Variants in GABRG3 observed in about 807,000 individuals in gnomAD.
GABRG3 encodes gamma-aminobutyric acid type A receptor subunit gamma3.
A neutral mutation model predicts 48.8 loss-of-function variants in GABRG3; 25 were observed. The ratio of observed to expected loss-of-function variants is 0.51; its 90% CI spans 0.37 to 0.72. The LOEUF is 0.72. GABRG3 is among the 30% of genes least tolerant of loss of function. GABRG3 has a pLI of 0.00. For synonymous variants in GABRG3, 227 were observed against 217.6 expected, an observed-to-expected ratio of 1.04 and a Z score of -0.38; for missense variants, 394 against 577.9, an observed-to-expected ratio of 0.68 and a Z score of 3.26.
chr15:27,306,948 A>C (rs1321607931), intron 3 of GABRG3, among the ~76,000 whole-genome samples: 1 of 118,658 alleles, frequency 8.4e-6, no homozygotes, highest in African/African-American at 3.1e-5. Context: ...AAACATATAT[A>C]ATATAAACAT....
chr15:27,258,158 A>G (rs1273208208), intron 3 of GABRG3, among the ~76,000 whole-genome samples: 1 of 152,120 alleles, frequency 6.6e-6, no homozygotes, highest in African/African-American at 2.4e-5. Flanking sequence ...GCAATTTCTG[A>G]GGGCAGCCTA....
At chr15:27,069,926 A>T (rs951075530) in intron 3 of GABRG3, among the ~76,000 whole-genome samples, 4 of 152,240 alleles carry the variant, frequency 2.6e-5, no homozygotes, top group African/African-American at 9.6e-5. Context: ...TGCTTTTTCC[A>T]AATACCATTC....
chr15:27,142,382 A>G (rs1220651690), intron 3 of GABRG3, among the ~76,000 whole-genome samples: 2 of 152,198 alleles, frequency 1.3e-5, no homozygotes, highest in Non-Finnish European at 2.9e-5. Context: ...ATCGAGTCCC[A>G]TCTTACATGG....
At chr15:27,059,005 G>A (rs751206303) in intron 3 of GABRG3, among the ~76,000 whole-genome samples, 19 of 152,192 alleles carry the variant, frequency 1.2e-4, no homozygotes, top group Non-Finnish European at 2.2e-4. Flanking sequence ...GCCATTTGGG[G>A]AATGCTAAGC....
intron 3 of GABRG3, among the ~76,000 whole-genome samples, chr15:27,284,023 C>T (rs1416449029): frequency 6.6e-6 from 1 of 152,042 alleles, no homozygotes; most frequent in Non-Finnish European, 1.5e-5. Context: ...AAGAACTCAC[C>T]TCATCTGTAA....
chr15:27,487,781 T>C (rs1331644613), intron 6 of GABRG3, among the ~76,000 whole-genome samples: 3 of 152,218 alleles, frequency 2.0e-5, no homozygotes, highest in Non-Finnish European at 4.4e-5. Context: ...TAAAATTATC[T>C]ATAAAAGTAC....
chr15:27,308,063 TAAACATATATGTTTATACATCC>T (rs1892746486), intron 3 of GABRG3, among the ~76,000 whole-genome samples: 1 of 134,034 alleles, frequency 7.5e-6, no homozygotes, highest in Non-Finnish European at 1.6e-5. Context: ...TAAACATATA[TAAACATATATGTTTATACATCC>T]AAACATATAT....
chr15:27,158,089 T>C (rs1898481362), intron 3 of GABRG3: 1 of 152,010 alleles, frequency 6.6e-6, no homozygotes, highest in African/African-American at 2.4e-5. Flanking sequence ...TTCCTTTGCT[T>C]TCTTGGGTCA....
At chr15:27,468,206 A>T (rs1427958073) in intron 5 of GABRG3, among the ~76,000 whole-genome samples, 1 of 152,258 alleles carries the variant, frequency 6.6e-6, no homozygotes, top group African/African-American at 2.4e-5. Flanking sequence ...ACAGAGATTT[A>T]TCACAAGGTG....
intron 3 of GABRG3, among the ~76,000 whole-genome samples, chr15:27,084,368 TCTCTACCTGGCAAGGTGC>T (rs1276822090): frequency 6.6e-6 from 1 of 152,206 alleles, no homozygotes; most frequent in Non-Finnish European, 1.5e-5. Context: ...AGTGTGTGTG[TCTCTACCTGGCAAGGTGC>T]CTCCAAATGG....
intron 6 of GABRG3, among the ~76,000 whole-genome samples, chr15:27,498,754 C>T (rs762594783): frequency 2.6e-5 from 4 of 152,110 alleles, no homozygotes; most frequent in Non-Finnish European, 5.9e-5. Context: ...AATCCACCCA[C>T]CTCAGCCTCC....
rs889973518 is a variant in GABRG3, at chr15:27,316,331, T to G, written c.271-10478T>G. Among the ~76,000 whole-genome samples, 607 of 133,336 alleles carry G rather than the reference T, an allele frequency of 4.6e-3. 2 individuals are homozygous for G. The highest frequency in any genetic ancestry group is 0.012 in the Admixed American group (131 of 10,868). The allele number at this position is 133,336 out of a possible 152,430, so 87.5% of individuals were successfully genotyped here. On this transcript the variant is annotated intron_variant, in intron 3 of 9. Transcript: ENST00000615808. ...TGAACCCGGGAGGCAGAGCTTGCAGTGAGCCGAGATCCCGCCACTGCACTC... is the reference window on the plus strand; with the variant it reads ...TGAACCCGGGAGGCAGAGCTTGCAGGGAGCCGAGATCCCGCCACTGCACTC...
chr15:27,181,273 A>G (rs369716466), intron 3 of GABRG3, among the ~76,000 whole-genome samples: 41 of 152,288 alleles, frequency 2.7e-4, no homozygotes, highest in Admixed American at 7.8e-4. Flanking sequence ...ATCAAACCCC[A>G]AAGTCCTTCA....
intron 3 of GABRG3, among the ~76,000 whole-genome samples, chr15:27,177,377 T>C (rs1887780951): frequency 6.6e-6 from 1 of 152,214 alleles, no homozygotes; most frequent in Non-Finnish European, 1.5e-5. Flanking sequence ...ACATGACTCT[T>C]GAGTGGTAAG....
chr15:27,421,830 A>C (rs1307679583), intron 5 of GABRG3, among the ~76,000 whole-genome samples: 18 of 122,936 alleles, frequency 1.5e-4, no homozygotes, highest in East Asian at 1.0e-3. Context: ...GAGTGGGCTG[A>C]GTATCCACCA....
At chr15:27,097,230 T>A (rs1279696852) in intron 3 of GABRG3, among the ~76,000 whole-genome samples, 2 of 152,026 alleles carry the variant, frequency 1.3e-5, no homozygotes, top group Non-Finnish European at 2.9e-5. Context: ...GCTGGCCCGC[T>A]GCTGGGCATG....
intron 3 of GABRG3, among the ~76,000 whole-genome samples, chr15:27,204,763 C>T (rs1378107707): frequency 6.6e-6 from 1 of 151,906 alleles, no homozygotes; most frequent in South Asian, 2.1e-4. Context: ...ACCTCCTTGT[C>T]TAGCTGTATT....
intron 3 of GABRG3, among the ~76,000 whole-genome samples, chr15:27,308,057 CATATATAA>C (rs1416427217): frequency 3.5e-3 from 454 of 130,874 alleles, no homozygotes; most frequent in Middle Eastern, 0.012. Context: ...ATAATATAAA[CATATATAA>C]ACATATATGT....
intron 3 of GABRG3, among the ~76,000 whole-genome samples, chr15:27,092,247 T>C (rs1897198700): frequency 6.6e-6 from 1 of 152,198 alleles, no homozygotes; most frequent in Non-Finnish European, 1.5e-5. Context: ...TTGACTTCCT[T>C]TCTGACAGAA....
Sources: gnomAD v4.1 joint callset for allele counts (sites outside exome capture counted in the v4.1 genomes callset) on GRCh38, gnomAD v4.1.1 for gene constraint, MANE v1.5 for transcripts, NCBI Gene and HGNC (gene_info 2026-07-23, HGNC 2026-07-21) for gene names.